Variants in PRELID2 observed in about 807,000 individuals in gnomAD.
PRELID2 encodes the protein PRELI domain containing 2.
Under a neutral mutation model 28.4 loss-of-function variants are expected in PRELID2, and 25 were observed. That is an observed-to-expected ratio of 0.88 (90% CI 0.64 to 1.23). The LOEUF is 1.23. Ranked by LOEUF, PRELID2 falls within the 50% of genes most tolerant of loss-of-function variation. The pLI is 0.00. For synonymous variants in PRELID2, 76 were observed against 71.6 expected, an observed-to-expected ratio of 1.06 and a Z score of -0.31; for missense variants, 201 against 214.4, an observed-to-expected ratio of 0.94 and a Z score of 0.39.
chr5:145,671,741 C>T (rs1162163935), intron 1 of PRELID2, among the ~76,000 whole-genome samples: 2 of 152,116 alleles, frequency 1.3e-5, no homozygotes, highest in African/African-American at 4.8e-5. Context: ...AGAAGCTACA[C>T]CATTTAATTA....
the PRELID2 span, among the ~76,000 whole-genome samples, chr5:145,392,365 G>T: frequency 6.6e-6 from 1 of 152,002 alleles, no homozygotes; most frequent in Non-Finnish European, 1.5e-5. Context: ...ATCAGCTCTT[G>T]GGGGAACTCA....
At chr5:145,259,448 G>A in the PRELID2 span, among the ~76,000 whole-genome samples, 3 of 152,180 alleles carry the variant, frequency 2.0e-5, no homozygotes, top group Non-Finnish European at 2.9e-5. Context: ...AGCTGCACAA[G>A]GCTTTGGAAA....
At chr5:145,616,203 G>A (rs575782376) in intron 1 of PRELID2, among the ~76,000 whole-genome samples, 3 of 152,290 alleles carry the variant, frequency 2.0e-5, no homozygotes, top group East Asian at 1.9e-4. Flanking sequence ...TACATAACCT[G>A]ATGACAATGT....
chr5:145,297,011 T>C, the PRELID2 span, among the ~76,000 whole-genome samples: 1 of 152,190 alleles, frequency 6.6e-6, no homozygotes, highest in Non-Finnish European at 1.5e-5. Flanking sequence ...TGTCTGTTCA[T>C]GTCCTTCGCC....
At chr5:145,599,652 T>TC (rs5871938) in intron 1 of PRELID2, among the ~76,000 whole-genome samples, 3,666 of 152,256 alleles carry the variant, frequency 0.024, 142 homozygotes, top group African/African-American at 0.08. Context: ...CTTAATGACC[T>TC]CCGTAGCATT....
At chr5:145,535,067 A>G (rs949919230) in intron 1 of PRELID2, among the ~76,000 whole-genome samples, 3 of 151,970 alleles carry the variant, frequency 2.0e-5, no homozygotes, top group Non-Finnish European at 2.9e-5. Flanking sequence ...TAGACCTTGC[A>G]TAGGCTTAGG....
At chr5:145,486,663 G>C (rs994310390) in intron 1 of PRELID2, among the ~76,000 whole-genome samples, 3 of 151,966 alleles carry the variant, frequency 2.0e-5, no homozygotes, top group Admixed American at 2.0e-4. Context: ...AGGAAATAAG[G>C]GATTGAAAAG....
At chr5:145,573,958 T>C (rs577212575) in intron 1 of PRELID2, among the ~76,000 whole-genome samples, 7 of 152,326 alleles carry the variant, frequency 4.6e-5, no homozygotes, top group Non-Finnish European at 1.0e-4. Context: ...GAGATGTCTT[T>C]TCTCCCTGGA....
intron 1 of PRELID2, among the ~76,000 whole-genome samples, chr5:145,559,058 T>C (rs1752904096): frequency 6.6e-6 from 1 of 151,936 alleles, no homozygotes; most frequent in African/African-American, 2.4e-5. Context: ...ATCGAGACCA[T>C]CCTGGCTAAC....
intron 1 of PRELID2, among the ~76,000 whole-genome samples, chr5:145,645,221 G>T (rs1377640270): frequency 1.3e-5 from 2 of 151,358 alleles, no homozygotes; most frequent in East Asian, 3.9e-4. Flanking sequence ...CATATATTTA[G>T]AATAATTAGC....
At chr5:145,653,210 T>C (rs528601758) in intron 1 of PRELID2, among the ~76,000 whole-genome samples, 1 of 152,170 alleles carries the variant, frequency 6.6e-6, no homozygotes, top group Non-Finnish European at 1.5e-5. Flanking sequence ...CTATCCTAAA[T>C]ATATATGCAC....
At chr5:145,244,143 C>T in the PRELID2 span, among the ~76,000 whole-genome samples, 8 of 151,960 alleles carry the variant, frequency 5.3e-5, no homozygotes, top group Admixed American at 6.6e-5. Context: ...TCAGTAGAGA[C>T]GGGGTTTCAG....
the PRELID2 span, among the ~76,000 whole-genome samples, chr5:145,417,218 C>G: frequency 6.6e-6 from 1 of 151,996 alleles, no homozygotes; most frequent in Non-Finnish European, 1.5e-5. Context: ...AATCCCCAAA[C>G]AGATTGATAA....
intron 1 of PRELID2, among the ~76,000 whole-genome samples, chr5:145,492,773 G>A (rs1434463754): frequency 7.1e-6 from 1 of 141,034 alleles, no homozygotes; most frequent in Non-Finnish European, 1.6e-5. Context: ...ATCTAGGGCT[G>A]CTGTTGTCGG....
At chr5:145,229,594 C>G in the PRELID2 span, 5 of 1,362,264 alleles carry the variant, frequency 3.7e-6, no homozygotes, top group African/African-American at 7.1e-5. Flanking sequence ...AAGTTGCAGG[C>G]AAGCACGGTG....
Position 145,615,629 on chromosome 5 carries a change from A to C in PRELID2, n.71-142314T>G, listed in dbSNP as rs1213631895. Among the ~76,000 whole-genome samples the C allele has an allele frequency of 1.3e-5, 2 of 151,792 alleles. 1 individual carries two copies. Among genetic ancestry groups the C allele is most frequent in the East Asian group, 3.9e-4 (2 of 5,164 alleles). ...GCGTGAGCCACCGCGCCCAGCCGTG[A>C]GTCTCTTATAGGTGGTAGATAGTTG... On this transcript the variant is annotated intron_variant and non_coding_transcript_variant, in intron 1 of 2. Transcript: ENST00000510259.
the PRELID2 span, among the ~76,000 whole-genome samples, chr5:145,295,600 T>C: frequency 0.018 from 2,689 of 152,188 alleles, 87 homozygotes; most frequent in African/African-American, 0.061. Context: ...TAGAAATAAA[T>C]GATTGAATCA....
the PRELID2 span, among the ~76,000 whole-genome samples, chr5:145,293,980 A>G: frequency 6.6e-6 from 1 of 152,178 alleles, no homozygotes; most frequent in Non-Finnish European, 1.5e-5. Flanking sequence ...GTACTATTCT[A>G]GCTCCAGAGC....
chr5:145,423,139 C>G, the PRELID2 span, among the ~76,000 whole-genome samples: 2 of 151,966 alleles, frequency 1.3e-5, no homozygotes, highest in African/African-American at 2.4e-5. Flanking sequence ...GTGAGGGTAA[C>G]CCAACCTTTC....
Sources: gnomAD v4.1 joint callset for allele counts (sites outside exome capture counted in the v4.1 genomes callset) on GRCh38, gnomAD v4.1.1 for gene constraint, MANE v1.5 for transcripts, NCBI Gene and HGNC (gene_info 2026-07-23, HGNC 2026-07-21) for gene names.